ITGA9: variants seen among roughly 807,000 people sequenced by gnomAD.
ITGA9 encodes the protein integrin alpha-9.
A neutral mutation model predicts 127.8 loss-of-function variants in ITGA9; 56 were observed. That is an observed-to-expected ratio of 0.44 (90% CI 0.35 to 0.55). The LOEUF (loss-of-function observed/expected upper bound fraction) is 0.55. Among genes scored for constraint, ITGA9 ranks in the 20% least tolerant of loss-of-function variants. The pLI is 0.00. For missense variants in ITGA9, 1,196 were observed against 1,347.1 expected (o/e 0.89, Z 1.76); for synonymous variants, 508 against 514.5 (o/e 0.99, Z 0.17).
chr3:37,574,832 G>A (rs1000764164), intron 15 of ITGA9, among the ~76,000 whole-genome samples: 6 of 152,136 alleles, frequency 3.9e-5, no homozygotes, highest in Non-Finnish European at 8.8e-5. Context: ...GTCACACTGG[G>A]AGAGCAGGTC....
At chr3:37,538,567 T>C (rs1300789775) in intron 14 of ITGA9, among the ~76,000 whole-genome samples, 1 of 152,222 alleles carries the variant, frequency 6.6e-6, no homozygotes, top group African/African-American at 2.4e-5. Context: ...CATGGCCGGC[T>C]GTGGGCAACT....
chr3:37,685,531 T>C (rs1338806597), intron 18 of ITGA9, among the ~76,000 whole-genome samples: 1 of 152,156 alleles, frequency 6.6e-6, no homozygotes, highest in East Asian at 1.9e-4. Flanking sequence ...CAGAATCGCA[T>C]GTGCTGTGAT....
chr3:37,620,855 G>A (rs1161243525), intron 15 of ITGA9, among the ~76,000 whole-genome samples: 6 of 152,136 alleles, frequency 3.9e-5, no homozygotes, highest in Admixed American at 3.3e-4. Context: ...TCTTGTAAGG[G>A]CACCTTCTCT....
At chr3:37,615,471 C>A (rs1700064720) in intron 15 of ITGA9, among the ~76,000 whole-genome samples, 1 of 152,276 alleles carries the variant, frequency 6.6e-6, no homozygotes, top group African/African-American at 2.4e-5. Flanking sequence ...CAGGATGATG[C>A]TGGCCTCATA....
intron 23 of ITGA9, among the ~76,000 whole-genome samples, chr3:37,761,936 A>G (rs1436203062): frequency 6.6e-6 from 1 of 152,262 alleles, no homozygotes; most frequent in Non-Finnish European, 1.5e-5. Context: ...GAGAATTCGC[A>G]GCCCCTCTCC....
chr3:37,696,506 A>C (rs889069590), intron 18 of ITGA9, among the ~76,000 whole-genome samples: 1 of 152,246 alleles, frequency 6.6e-6, no homozygotes, highest in Non-Finnish European at 1.5e-5. Flanking sequence ...CCACAGCTCC[A>C]TACTAGGTCA....
intron 15 of ITGA9, among the ~76,000 whole-genome samples, chr3:37,616,416 T>C (rs1313695519): frequency 1.3e-5 from 2 of 152,218 alleles, no homozygotes; most frequent in Non-Finnish European, 2.9e-5. Context: ...AGGTGTGGTG[T>C]GGTGCTGAAA....
chr3:37,782,930 G>A (rs577422569), intron 25 of ITGA9, among the ~76,000 whole-genome samples: 1 of 152,292 alleles, frequency 6.6e-6, no homozygotes, highest in Non-Finnish European at 1.5e-5. Context: ...ACAAGGTCAG[G>A]AATTCAAGAC....
At position 37,490,693 on chromosome 3, in the gene ITGA9, G is replaced by A. The variant is rs185607932; in HGVS notation, c.545-3808G>A. ...ATGTAGGCTCCATGCATTGAGTTGC[G>A]GATTGTGAACATTTGGAAACCAGTA... is the stretch of plus-strand genomic sequence containing the variant. On this transcript the variant is annotated intron_variant, in intron 4 of 27. Transcript: ENST00000264741. Among the ~76,000 whole-genome samples the A allele has an allele frequency of 1.3e-3, 205 of 152,000 alleles. 1 individual carries two copies. Among genetic ancestry groups the A allele is most frequent in the African/African-American group, 4.6e-3 (191 of 41,388 alleles).
intron 3 of ITGA9, among the ~76,000 whole-genome samples, chr3:37,473,690 A>G (rs189476368): frequency 1.3e-4 from 20 of 152,284 alleles, no homozygotes; most frequent in African/African-American, 2.2e-4. Flanking sequence ...ATATGTGAAA[A>G]GTGCTTTGTA....
At chr3:37,679,605 T>C (rs1047337732) in intron 17 of ITGA9, among the ~76,000 whole-genome samples, 2 of 152,186 alleles carry the variant, frequency 1.3e-5, no homozygotes, top group Non-Finnish European at 2.9e-5. Flanking sequence ...TGTGGGGATG[T>C]CATGGATGTT....
chr3:37,571,359 T>C (rs991772016), intron 15 of ITGA9, among the ~76,000 whole-genome samples: 4 of 151,936 alleles, frequency 2.6e-5, no homozygotes, highest in Non-Finnish European at 4.4e-5. Context: ...GATAGGACAA[T>C]TGGACAAAAA....
intron 15 of ITGA9, among the ~76,000 whole-genome samples, chr3:37,596,974 C>T (rs550976125): frequency 8.5e-5 from 13 of 152,286 alleles, no homozygotes; most frequent in African/African-American, 2.6e-4. Flanking sequence ...TTCTCCTCCC[C>T]TCCTCTCCTC....
intron 1 of ITGA9, among the ~76,000 whole-genome samples, chr3:37,460,869 G>A (rs563422348): frequency 7.2e-5 from 11 of 152,240 alleles, no homozygotes; most frequent in African/African-American, 2.4e-4. Flanking sequence ...GATTACAGGC[G>A]TGAGCCACCG....
intron 18 of ITGA9, among the ~76,000 whole-genome samples, chr3:37,690,385 C>G (rs528555530): frequency 6.6e-6 from 1 of 152,168 alleles, no homozygotes; most frequent in African/African-American, 2.4e-5. Context: ...CCTGTCAGGA[C>G]TTTACCACTC....
chr3:37,590,427 G>T (rs569669992), intron 15 of ITGA9, among the ~76,000 whole-genome samples: 17 of 152,314 alleles, frequency 1.1e-4, no homozygotes, highest in African/African-American at 3.8e-4. Flanking sequence ...AGGAAGGAGG[G>T]CTGGGTTCTT....
At chr3:37,778,918 T>C (rs1180419100) in intron 24 of ITGA9, among the ~76,000 whole-genome samples, 1 of 151,004 alleles carries the variant, frequency 6.6e-6, no homozygotes, top group Non-Finnish European at 1.5e-5. Context: ...GAGGGTGATA[T>C]TGTTGAAAGC....
At chr3:37,485,791 G>T (rs749422228) in intron 4 of ITGA9, among the ~76,000 whole-genome samples, 7 of 152,138 alleles carry the variant, frequency 4.6e-5, no homozygotes, top group Non-Finnish European at 7.3e-5. Flanking sequence ...TATCCTGTTG[G>T]AACCAGGAAA....
intron 1 of ITGA9, among the ~76,000 whole-genome samples, chr3:37,457,283 G>T (rs1174303976): frequency 6.6e-6 from 1 of 152,212 alleles, no homozygotes; most frequent in East Asian, 1.9e-4. Flanking sequence ...TGAGAAAATT[G>T]TGGGGTTCTA....
Sources: gnomAD v4.1 joint callset for allele counts (sites outside exome capture counted in the v4.1 genomes callset) on GRCh38, gnomAD v4.1.1 for gene constraint, MANE v1.5 for transcripts, NCBI Gene and HGNC (gene_info 2026-07-23, HGNC 2026-07-21) for gene names.